Variants in BEST3 observed in about 807,000 individuals in gnomAD.
The protein encoded by BEST3 is bestrophin-3.
In BEST3, 50 loss-of-function variants were observed where a neutral mutation model predicts 47.1. The ratio of observed to expected loss-of-function variants is 1.06; its 90% CI spans 0.85 to 1.34. The LOEUF (loss-of-function observed/expected upper bound fraction) is 1.34. Among genes scored for constraint, BEST3 ranks in the 40% most tolerant of loss-of-function variants. BEST3 has a pLI of 0.00. For synonymous variants in BEST3, 282 were observed against 298.8 expected, an observed-to-expected ratio of 0.94 and a Z score of 0.58; for missense variants, 765 against 817.0, an observed-to-expected ratio of 0.94 and a Z score of 0.78.
intron 9 of BEST3, chr12:69,670,466 G>A (rs750859281): frequency 1.4e-6 from 1 of 702,850 alleles, no homozygotes; most frequent in Admixed American, 2.0e-5. Context: ...TTTTCTTTGG[G>A]TCTGGAAAGG....
intron 9 of BEST3, among the ~76,000 whole-genome samples, chr12:69,664,159 A>C (rs1292300216): frequency 1.3e-5 from 2 of 152,188 alleles, no homozygotes; most frequent in African/African-American, 2.4e-5. Context: ...CTGATTTTTA[A>C]CATGCCCCAT....
At chr12:69,689,243 A>C in intron 4 of BEST3, 1 of 985,590 alleles carries the variant, frequency 1.0e-6, no homozygotes, top group South Asian at 4.7e-5. Flanking sequence ...TTGGAAGCAG[A>C]CCCCATGTGC....
chr12:69,680,559 G>T (rs920303992), intron 4 of BEST3, among the ~76,000 whole-genome samples: 1 of 151,832 alleles, frequency 6.6e-6, no homozygotes, highest in Non-Finnish European at 1.5e-5. Context: ...CGCCCTCCTC[G>T]GCCTCCCAAA....
Position 69,655,820 on chromosome 12 carries a change from C to T in BEST3, c.1101-7G>A, listed in dbSNP as rs1883454080. 6.3e-7 allele frequency: 1 copy of T among 1,596,320 alleles called. No homozygotes were observed. Among genetic ancestry groups the T allele is most frequent in the Non-Finnish European group, 8.6e-7 (1 of 1,168,920 alleles). Reference sequence around the variant, plus strand: ...AAAGTCGGACCCAGACAGCCTGAAACACACAATGACAAGATCCAGGCAGAG... The same window carrying T: ...AAAGTCGGACCCAGACAGCCTGAAATACACAATGACAAGATCCAGGCAGAG... On this transcript the variant is annotated splice_region_variant and splice_polypyrimidine_tract_variant and intron_variant, in intron 9 of 9. Transcript: ENST00000330891.
chr12:69,689,288 A>G (rs945211229), intron 4 of BEST3: 1 of 985,644 alleles, frequency 1.0e-6, no homozygotes, highest in African/African-American at 1.7e-5. Flanking sequence ...TGGGGAAAGC[A>G]GCAGGAAGTT....
chr12:69,667,844 C>A (rs1400570111), intron 9 of BEST3, among the ~76,000 whole-genome samples: 1 of 152,008 alleles, frequency 6.6e-6, no homozygotes, highest in Non-Finnish European at 1.5e-5. Context: ...TCATAGTAGG[C>A]CCTGAAAAAG....
At chr12:69,691,684 C>T (rs775423) in intron 4 of BEST3, among the ~76,000 whole-genome samples, 60,106 of 151,896 alleles carry the variant, frequency 0.4, 12,611 homozygotes, top group East Asian at 0.73. Flanking sequence ...CCCAGCTGCT[C>T]GGGAGTCTGA....
intron 4 of BEST3, 61 bp from the exon 5 acceptor site, chr12:69,678,954 A>C: frequency 7.6e-7 from 1 of 1,315,678 alleles, no homozygotes; most frequent in Non-Finnish European, 1.1e-6. Flanking sequence ...ATACGTTACC[A>C]TATTTCAGCA....
chr12:69,695,097 C>T (rs955586574), intron 2 of BEST3, among the ~76,000 whole-genome samples: 2 of 152,160 alleles, frequency 1.3e-5, no homozygotes, highest in Non-Finnish European at 2.9e-5. Context: ...CCTGCCCAAA[C>T]CCCATTTTCT....
At chr12:69,651,373 AGGAAAACACTGGT>A (rs1227187337), downstream of BEST3, among the ~76,000 whole-genome samples, 1 of 152,236 alleles carries the variant, frequency 6.6e-6, no homozygotes, top group Non-Finnish European at 1.5e-5. Flanking sequence ...AAATTTGTAA[AGGAAAACACTGGT>A]TTTCCTTATC....
intron 9 of BEST3, among the ~76,000 whole-genome samples, chr12:69,669,521 G>C (rs1884432399): frequency 6.6e-6 from 1 of 152,106 alleles, no homozygotes; most frequent in Admixed American, 6.6e-5. Flanking sequence ...TCTCTCAGTT[G>C]TTTTATTTTC....
chr12:69,666,905 G>A (rs973335446), intron 9 of BEST3, among the ~76,000 whole-genome samples: 8 of 152,116 alleles, frequency 5.3e-5, no homozygotes, highest in South Asian at 2.1e-4. Flanking sequence ...CACCTCTACC[G>A]TCTACATCCC....
chr12:69,653,804 G>C lies in BEST3; in HGVS notation c.*1103C>G. On this transcript the variant is annotated 3_prime_UTR_variant, in exon 10 of 10. Coordinates refer to ENST00000330891, the MANE Select transcript of BEST3 (RefSeq NM_032735.3). ...AGCTCTGGACCCCATTAGCCTCCCA[G>C]CTCCAGTATCCTGCCCATTCCCAAA... is the stretch of plus-strand genomic sequence containing the variant. 1.0e-6 allele frequency: 1 copy of C among 985,416 alleles called. No individual in the cohort carries two copies. Among genetic ancestry groups the C allele is most frequent in the African/African-American group, 1.7e-5 (1 of 57,338 alleles). 61.0% of individuals were successfully genotyped at this position (985,416 alleles called of 1,614,324 possible).
chr12:69,679,884 G>GAT (rs1885137572), intron 4 of BEST3, among the ~76,000 whole-genome samples: 1 of 147,354 alleles, frequency 6.8e-6, no homozygotes, highest in African/African-American at 2.5e-5. Flanking sequence ...AGGGTTTCTT[G>GAT]GTGTGTGTGT....
At chr12:69,651,855 C>T (rs1228970970), downstream of BEST3, among the ~76,000 whole-genome samples, 2 of 149,676 alleles carry the variant, frequency 1.3e-5, no homozygotes, top group Non-Finnish European at 3.0e-5. Flanking sequence ...GAGGCGAAAA[C>T]ACCAAAAACA....
chr12:69,643,787 C>T lies in BEST3; in HGVS notation c.1101G>A (p.Gly367=), dbSNP rs1010223524. 2.0e-5 allele frequency: 14 copies of T among 714,062 alleles called. 1 individual carries two copies. The highest frequency in any genetic ancestry group is 1.2e-4 in the African/African-American group (7 of 57,082). 44.2% of individuals were successfully genotyped at this position (714,062 alleles called of 1,614,324 possible). ...TCCACTCATTCTTAGGCATCTGTTT[C>T]CTGGGGAGAAGGGGAGAAGGGAGAA... The change falls in exon 10 of 10, where the codon GGG becomes GGA. Residue 367 remains glycine (G), a splice_region_variant and synonymous_variant. Coordinates refer to the BEST3 transcript ENST00000331471.
At chr12:69,656,226 G>T (rs1883483900) in intron 9 of BEST3, among the ~76,000 whole-genome samples, 1 of 152,092 alleles carries the variant, frequency 6.6e-6, no homozygotes, top group South Asian at 2.1e-4. Flanking sequence ...AACATGTTGT[G>T]CTATTATGAA....
Position 69,654,899 on chromosome 12 carries a change from G to A in BEST3, c.*8C>T, listed in dbSNP as rs1379079398. 5 of 1,603,754 alleles carry A rather than the reference G, an allele frequency of 3.1e-6. No homozygotes were observed. Among genetic ancestry groups the A allele is most frequent in the Non-Finnish European group, 4.3e-6 (5 of 1,173,612 alleles). ...AGGCTAGAACCAGGTCCTAGAACTTGGTGGCACTCATTTGGGTGATTCCTC... is the reference window on the plus strand; with the variant it reads ...AGGCTAGAACCAGGTCCTAGAACTTAGTGGCACTCATTTGGGTGATTCCTC... On this transcript the variant is annotated 3_prime_UTR_variant, in exon 10 of 10. Coordinates refer to ENST00000330891, the MANE Select transcript of BEST3 (RefSeq NM_032735.3).
chr12:69,671,635 G>T (rs1439894143), intron 8 of BEST3, 56 bp from the exon 9 acceptor site: 1 of 1,576,090 alleles, frequency 6.3e-7, no homozygotes, highest in East Asian at 2.2e-5. Flanking sequence ...ATAAAAAGGA[G>T]AAGTTTTTTT....
Sources: allele counts gnomAD v4.1 joint callset (sites outside exome capture counted in the v4.1 genomes callset), GRCh38; gene constraint gnomAD v4.1.1; transcripts MANE v1.5; gene names NCBI Gene and HGNC (gene_info 2026-07-23, HGNC 2026-07-21).